ROBO1: variants seen among roughly 807,000 people sequenced by gnomAD.
The protein encoded by ROBO1 is roundabout homolog 1.
ROBO1 carries 149 observed loss-of-function variants against 195.9 expected under a neutral mutation model. The ratio of observed to expected loss-of-function variants is 0.76; its 90% CI spans 0.67 to 0.87. The LOEUF (loss-of-function observed/expected upper bound fraction) is 0.87, where lower values mean the gene tolerates loss of function less well. Among genes scored for constraint, ROBO1 ranks in the 40% least tolerant of loss-of-function variants. ROBO1 has a pLI of 0.00. For synonymous variants in ROBO1, 816 were observed against 733.2 expected, an observed-to-expected ratio of 1.11 and a Z score of -1.82; for missense variants, 1,933 against 2,068.3, an observed-to-expected ratio of 0.93 and a Z score of 1.27.
At chr3:79,356,597 C>T (rs1029726105) in intron 2 of ROBO1, among the ~76,000 whole-genome samples, 1 of 152,116 alleles carries the variant, frequency 6.6e-6, no homozygotes, top group African/African-American at 2.4e-5. Context: ...TAAATGTATT[C>T]TTGGGATCTA....
At chr3:78,912,872 T>C (rs1292367003) in intron 4 of ROBO1, among the ~76,000 whole-genome samples, 1 of 152,120 alleles carries the variant, frequency 6.6e-6, no homozygotes, top group African/African-American at 2.4e-5. Flanking sequence ...AATAAAAATG[T>C]AGAATTGTGT....
At chr3:79,347,707 A>G (rs1302751770) in intron 2 of ROBO1, among the ~76,000 whole-genome samples, 1 of 152,226 alleles carries the variant, frequency 6.6e-6, no homozygotes, top group African/African-American at 2.4e-5. Context: ...CAAGTAGGTG[A>G]GTTGATAGTG....
At chr3:79,136,313 T>C (rs1196031878) in intron 2 of ROBO1, among the ~76,000 whole-genome samples, 1 of 152,176 alleles carries the variant, frequency 6.6e-6, no homozygotes, top group African/African-American at 2.4e-5. Context: ...TTTCCTTCTG[T>C]CATATTCAGT....
intron 2 of ROBO1, among the ~76,000 whole-genome samples, chr3:79,353,371 A>G (rs576532424): frequency 2.0e-5 from 3 of 149,158 alleles, no homozygotes; most frequent in South Asian, 2.1e-4. Context: ...ATTAACCTCA[A>G]AAAAAGAATA....
At chr3:79,434,880 G>A (rs976059971) in intron 2 of ROBO1, among the ~76,000 whole-genome samples, 1 of 152,160 alleles carries the variant, frequency 6.6e-6, no homozygotes, top group Non-Finnish European at 1.5e-5. Flanking sequence ...ATACTATGTA[G>A]CCATAAAAAA....
At chr3:79,722,649 C>T (rs1702753623) in intron 1 of ROBO1, among the ~76,000 whole-genome samples, 1 of 152,208 alleles carries the variant, frequency 6.6e-6, no homozygotes, top group African/African-American at 2.4e-5. Flanking sequence ...ATAACAAATT[C>T]AAATTGAAGT....
intron 7 of ROBO1, among the ~76,000 whole-genome samples, chr3:78,716,243 C>G (rs937487988): frequency 6.6e-6 from 1 of 152,146 alleles, no homozygotes; most frequent in African/African-American, 2.4e-5. Context: ...TCTGTTCTCA[C>G]ACTGCTATGA....
rs1575992298 is a variant in ROBO1, at chr3:78,711,348, C to CTCCTTTCTTTTCTTTCTTTCTTTCT, written c.1045+3048_1045+3049insAGAAAGAAAGAAAGAAAAGAAAGGA. Among the ~76,000 whole-genome samples, 23 of 54,650 alleles carry CTCCTTTCTTTTCTTTCTTTCTTTCT rather than the reference C, an allele frequency of 4.2e-4. 1 individual carries two copies. The highest frequency in any genetic ancestry group is 2.3e-3 in the East Asian group (3 of 1,290). 35.9% of individuals were successfully genotyped at this position (54,650 alleles called of 152,430 possible). On this transcript the variant is annotated intron_variant, in intron 8 of 30. Coordinates refer to ENST00000464233, the MANE Select transcript of ROBO1 (RefSeq NM_002941.4). ...CTCTCCTTCCTTCCTTCCTTCCTTC[C>CTCCTTTCTTTTCTTTCTTTCTTTCT]TCCTTCCTTCCTTCCTTCCTTCCTT...
At chr3:78,731,988 T>C (rs975305922) in intron 5 of ROBO1, among the ~76,000 whole-genome samples, 2 of 152,126 alleles carry the variant, frequency 1.3e-5, no homozygotes, top group Admixed American at 1.3e-4. Flanking sequence ...GCTATATACA[T>C]AGCATTGTTA....
intron 1 of ROBO1, among the ~76,000 whole-genome samples, chr3:79,681,354 T>C (rs1285428684): frequency 6.7e-6 from 1 of 149,262 alleles, no homozygotes; most frequent in Non-Finnish European, 1.5e-5. Flanking sequence ...TCAGGGAAAA[T>C]CCAGATTTTG....
intron 1 of ROBO1, among the ~76,000 whole-genome samples, chr3:79,639,160 T>C (rs1270283623): frequency 2.0e-5 from 3 of 152,184 alleles, no homozygotes; most frequent in East Asian, 3.8e-4. Context: ...GCAAACTTTA[T>C]AGATTATCTG....
At chr3:78,693,343 C>T in intron 8 of ROBO1, 1 of 1,549,578 alleles carries the variant, frequency 6.5e-7, no homozygotes, top group East Asian at 2.4e-5. Flanking sequence ...AAAATGTCAA[C>T]TTACCAGACC....
At chr3:79,352,872 C>T (rs1336824126) in intron 2 of ROBO1, among the ~76,000 whole-genome samples, 1 of 152,052 alleles carries the variant, frequency 6.6e-6, no homozygotes, top group Non-Finnish European at 1.5e-5. Context: ...GTGACAGATT[C>T]ATTATATATA....
At chr3:78,648,761 A>G (rs1464989995) in intron 19 of ROBO1, among the ~76,000 whole-genome samples, 2 of 152,142 alleles carry the variant, frequency 1.3e-5, no homozygotes, top group Admixed American at 1.3e-4. Flanking sequence ...AGTAGAAACA[A>G]ACTAGAATAT....
chr3:78,939,073 G>C (rs1322675340), intron 3 of ROBO1, 146 bp from the exon 4 acceptor site: 2 of 712,882 alleles, frequency 2.8e-6, no homozygotes, highest in Non-Finnish European at 4.5e-6. Flanking sequence ...AATCTTTCTG[G>C]TGTCCGCCTT....
intron 1 of ROBO1, among the ~76,000 whole-genome samples, chr3:79,630,949 T>C (rs1020678650): frequency 2.0e-5 from 3 of 151,786 alleles, no homozygotes. Context: ...AGGAAAACTA[T>C]AAAACACTGA....
At chr3:78,765,594 A>C (rs1429059638) in intron 4 of ROBO1, among the ~76,000 whole-genome samples, 1 of 152,108 alleles carries the variant, frequency 6.6e-6, no homozygotes, top group Non-Finnish European at 1.5e-5. Context: ...AATAAAGTAT[A>C]TTTTTAGATT....
At chr3:79,527,996 A>AT (rs1941504401) in intron 2 of ROBO1, 1 of 149,210 alleles carries the variant, frequency 6.7e-6, no homozygotes, top group African/African-American at 2.6e-5. Flanking sequence ...TTGAGAAGTT[A>AT]TTTTACTGCC....
intron 2 of ROBO1, among the ~76,000 whole-genome samples, chr3:79,448,319 A>G (rs1039719640): frequency 6.6e-6 from 1 of 152,216 alleles, no homozygotes; most frequent in Non-Finnish European, 1.5e-5. Flanking sequence ...AGTAATATTC[A>G]TTTATAGCAA....
Sources: allele counts gnomAD v4.1 joint callset (sites outside exome capture counted in the v4.1 genomes callset), GRCh38; gene constraint gnomAD v4.1.1; transcripts MANE v1.5; gene names NCBI Gene and HGNC (gene_info 2026-07-23, HGNC 2026-07-21).